The following KAZN variants were observed in gnomAD, a reference collection of about 807,000 sequenced individuals.
The protein encoded by KAZN is kazrin, periplakin interacting protein, also known as kazrin.
A neutral mutation model predicts 87.4 loss-of-function variants in KAZN; 40 were observed. That is an observed-to-expected ratio of 0.46 (90% CI 0.36 to 0.60). The LOEUF is 0.60. KAZN is among the 20% of genes least tolerant of loss of function. The probability of loss-of-function intolerance (pLI) is 0.00; values close to 1 mark genes in which losing one functional copy is unlikely to be tolerated. For missense variants in KAZN, 898 were observed against 1,073.9 expected, an observed-to-expected ratio of 0.84 and a Z score of 2.29; for synonymous variants, 466 against 458.3, an observed-to-expected ratio of 1.02 and a Z score of -0.22.
In KAZN at chr1:13,908,841, C is replaced by T. The variant is rs143863077; in HGVS notation, c.91+15085C>T. The stretch of plus-strand genomic sequence containing the variant: ...TCCACGGTGACAAGACCTGTGTTCA[C>T]CCCAAGTAGCATCATGGCAGAGCTG... On this transcript the variant is annotated intron_variant, in intron 1 of 16. Transcript: ENST00000636203. 3.9e-3 allele frequency among the ~76,000 whole-genome samples: 594 copies of T among 152,274 alleles called. 3 individuals carry two copies. Among genetic ancestry groups the T allele is most frequent in the African/African-American group, 0.014 (566 of 41,568 alleles).
chr1:15,002,421 C>T (rs1216874286), intron 2 of KAZN, among the ~76,000 whole-genome samples: 1 of 152,106 alleles, frequency 6.6e-6, no homozygotes, highest in Admixed American at 6.6e-5. Context: ...CACATAGCTG[C>T]GTTGCACCCT....
At chr1:14,714,063 T>C (rs1287426071) in intron 1 of KAZN, among the ~76,000 whole-genome samples, 1 of 152,190 alleles carries the variant, frequency 6.6e-6, no homozygotes, top group Non-Finnish European at 1.5e-5. Flanking sequence ...GATCCATTTT[T>C]ACTAATTTTT....
intron 1 of KAZN, among the ~76,000 whole-genome samples, chr1:14,893,629 G>A (rs1367668110): frequency 6.6e-6 from 1 of 152,118 alleles, no homozygotes. Flanking sequence ...GAGAGAATTG[G>A]AAAATCTCCT....
chr1:14,204,293 T>G (rs1646695960), intron 2 of KAZN, among the ~76,000 whole-genome samples: 1 of 152,222 alleles, frequency 6.6e-6, no homozygotes, highest in Admixed American at 6.5e-5. Flanking sequence ...CTTCTGAGGC[T>G]TCTGAGCCAT....
chr1:13,970,897 ACCTTCAGGCATAAAGATTTT>A (rs2101048891), intron 1 of KAZN, among the ~76,000 whole-genome samples: 1 of 152,318 alleles, frequency 6.6e-6, no homozygotes, highest in Admixed American at 6.5e-5. Flanking sequence ...TGAAGAAAAG[ACCTTCAGGCATAAAGATTTT>A]CTTATTCTGA....
intron 1 of KAZN, among the ~76,000 whole-genome samples, chr1:14,827,242 G>GT (rs1247303935): frequency 2.6e-5 from 4 of 151,962 alleles, no homozygotes; most frequent in Non-Finnish European, 4.4e-5. Flanking sequence ...CAGGGATTTT[G>GT]TTTTTTTGTG....
At chr1:13,917,797 C>CAAAAAAAAA (rs35268955) in intron 1 of KAZN, among the ~76,000 whole-genome samples, 1 of 77,970 alleles carries the variant, frequency 1.3e-5, no homozygotes, top group Non-Finnish European at 2.5e-5. Context: ...CCTGTGTCAT[C>CAAAAAAAAA]AAAAAAAAAA....
intron 1 of KAZN, among the ~76,000 whole-genome samples, chr1:13,925,481 T>C (rs1179922381): frequency 6.6e-6 from 1 of 152,086 alleles, no homozygotes; most frequent in Admixed American, 6.6e-5. Context: ...GAGATGTGAG[T>C]ACCTGGGAGA....
At chr1:14,438,095 CAAAAAAAA>C (rs35260375) in intron 2 of KAZN, among the ~76,000 whole-genome samples, 1 of 134,054 alleles carries the variant, frequency 7.5e-6, no homozygotes, top group Non-Finnish European at 1.6e-5. Context: ...TCCCTAAAGC[CAAAAAAAA>C]AAAAAAAAAG....
intron 1 of KAZN, among the ~76,000 whole-genome samples, chr1:14,760,609 CA>C (rs1557461763): frequency 6.6e-6 from 1 of 152,168 alleles, no homozygotes; most frequent in African/African-American, 2.4e-5. Context: ...TCTTTTAAAA[CA>C]TATCAATCCA....
rs34053474 is a variant in KAZN, at chr1:14,899,212, T to G, written c.227-61472T>G. Among the ~76,000 whole-genome samples the G allele has an allele frequency of 3.9e-3, 598 of 152,362 alleles. 27 individuals carry two copies. The East Asian group carries it at 0.07, about 18-fold the overall frequency. ...GAATGTTCCGCTAAGTCAAGTTCAC[T>G]GGCATGACCAGAAAGGCAAGTTGCC... On this transcript the variant is annotated intron_variant, in intron 1 of 14. Transcript: ENST00000376030.
At chr1:14,982,030 G>A (rs1477234031) in intron 2 of KAZN, among the ~76,000 whole-genome samples, 1 of 152,140 alleles carries the variant, frequency 6.6e-6, no homozygotes, top group South Asian at 2.1e-4. Flanking sequence ...TGGAGTTAAC[G>A]TTTGCCTGGA....
chr1:14,964,483 C>T (rs1664228039), intron 2 of KAZN, among the ~76,000 whole-genome samples: 1 of 152,172 alleles, frequency 6.6e-6, no homozygotes, highest in African/African-American at 2.4e-5. Context: ...AGTGAGTTGG[C>T]ACCTTCAGCC....
At chr1:14,895,987 C>A (rs1046243368) in intron 1 of KAZN, among the ~76,000 whole-genome samples, 2 of 150,210 alleles carry the variant, frequency 1.3e-5, no homozygotes, top group Non-Finnish European at 2.9e-5. Context: ...AGGCAACAAT[C>A]TGAAGTAAAG....
chr1:14,028,312 A>T (rs1393097588), intron 1 of KAZN, among the ~76,000 whole-genome samples: 1 of 152,198 alleles, frequency 6.6e-6, no homozygotes, highest in Non-Finnish European at 1.5e-5. Context: ...ATCCAGCGTC[A>T]TGCTTTTCAA....
At chr1:14,902,026 G>T (rs1437749013) in intron 1 of KAZN, among the ~76,000 whole-genome samples, 1 of 152,164 alleles carries the variant, frequency 6.6e-6, no homozygotes, top group Non-Finnish European at 1.5e-5. Context: ...CAGACACAGA[G>T]ATGGCCAACC....
chr1:14,514,932 G>A lies in KAZN; in HGVS notation c.250-84051G>A, dbSNP rs79208475. ...GCAAAGTCCGTGGCTCACAGTGTGA[G>A]CTAAAGAAACAGTGGCTGGGACTTT... On this transcript the variant is annotated intron_variant, in intron 2 of 16. Coordinates refer to the KAZN transcript ENST00000636203. Among the ~76,000 whole-genome samples, 757 of 152,214 alleles carry A rather than the reference G, an allele frequency of 5.0e-3. 8 individuals are homozygous for A. Among genetic ancestry groups the A allele is most frequent in the African/African-American group, 0.017 (721 of 41,522 alleles).
chr1:14,553,001 G>A (rs577226089), intron 2 of KAZN, among the ~76,000 whole-genome samples: 7 of 152,194 alleles, frequency 4.6e-5, no homozygotes, highest in African/African-American at 1.2e-4. Context: ...ACAATTAGCC[G>A]TGCCCATCAG....
chr1:15,110,040 TG>T (rs1379890219), intron 13 of KAZN, among the ~76,000 whole-genome samples: 2 of 33,978 alleles, frequency 5.9e-5, no homozygotes, highest in Non-Finnish European at 1.1e-4. Flanking sequence ...TGTGTATGTG[TG>T]TATATATATA....
Sources: allele counts gnomAD v4.1 joint callset (sites outside exome capture counted in the v4.1 genomes callset), GRCh38; gene constraint gnomAD v4.1.1; transcripts MANE v1.5; gene names NCBI Gene and HGNC (gene_info 2026-07-23, HGNC 2026-07-21).